Variants in ADAM32 observed in about 807,000 individuals in gnomAD.
ADAM32 encodes the protein disintegrin and metalloproteinase domain-containing protein 32.
A neutral mutation model predicts 114.9 loss-of-function variants in ADAM32; 89 were observed. The observed-to-expected ratio is 0.77, with a 90% CI of 0.65 to 0.92. The LOEUF is 0.92. ADAM32 is among the 40% of genes least tolerant of loss of function. The pLI, the probability that ADAM32 is intolerant of heterozygous loss-of-function variation, is 0.00. For synonymous variants in ADAM32, 285 were observed against 307.5 expected, an observed-to-expected ratio of 0.93 and a Z score of 0.77; for missense variants, 870 against 932.8, an observed-to-expected ratio of 0.93 and a Z score of 0.88.
intron 1 of ADAM32, among the ~76,000 whole-genome samples, chr8:39,117,414 G>A (rs1426273023): frequency 6.6e-6 from 1 of 151,342 alleles, no homozygotes. Context: ...TGGGAGAAAT[G>A]TCTCTGACTT....
At chr8:39,248,904 CTT>C (rs373072424) in intron 17 of ADAM32, among the ~76,000 whole-genome samples, 4 of 134,102 alleles carry the variant, frequency 3.0e-5, no homozygotes, top group African/African-American at 2.7e-5. Flanking sequence ...TGAGTGTTGA[CTT>C]TTTTTTTTTT....
chr8:39,161,517 G>C (rs13439696), intron 7 of ADAM32, among the ~76,000 whole-genome samples: 37,449 of 152,064 alleles, frequency 0.25, 4,996 homozygotes, highest in Non-Finnish European at 0.29. Flanking sequence ...ATTTCAGAAC[G>C]TTAGGGTGAC....
intron 24 of ADAM32, 71 bp from the exon 25 acceptor site, chr8:39,284,722 A>AGGT (rs1387097901): frequency 6.4e-7 from 1 of 1,559,262 alleles, no homozygotes. Flanking sequence ...GCAATACCTC[A>AGGT]GCTGCTTGTA....
At chr8:39,213,114 C>A (rs1310796421) in intron 12 of ADAM32, among the ~76,000 whole-genome samples, 2 of 152,072 alleles carry the variant, frequency 1.3e-5, no homozygotes, top group Non-Finnish European at 2.9e-5. Flanking sequence ...ATGATTAAGT[C>A]AAGGTTATTA....
At chr8:39,243,986 A>C (rs1810731232) in intron 16 of ADAM32, among the ~76,000 whole-genome samples, 1 of 152,172 alleles carries the variant, frequency 6.6e-6, no homozygotes, top group Non-Finnish European at 1.5e-5. Context: ...GCTATACACC[A>C]ACAGTGGCCA....
chr8:39,134,341 AG>A (rs148350283), intron 2 of ADAM32, among the ~76,000 whole-genome samples: 1,792 of 152,170 alleles, frequency 0.012, 36 homozygotes, highest in African/African-American at 0.04. Flanking sequence ...GTGAAGGCTC[AG>A]GGGCTCTCCT....
At chr8:39,117,246 C>G (rs1436046723) in intron 1 of ADAM32, among the ~76,000 whole-genome samples, 1 of 152,152 alleles carries the variant, frequency 6.6e-6, no homozygotes, top group Non-Finnish European at 1.5e-5. Flanking sequence ...GCTACAGTTC[C>G]TGAAGTTGTA....
chr8:39,189,143 C>G (rs1037217286), intron 11 of ADAM32, among the ~76,000 whole-genome samples: 1 of 152,150 alleles, frequency 6.6e-6, no homozygotes, highest in African/African-American at 2.4e-5. Flanking sequence ...TTAATTCTCA[C>G]AGCCTCACCT....
chr8:39,202,501 A>C (rs1176225769), intron 11 of ADAM32, among the ~76,000 whole-genome samples: 1 of 152,020 alleles, frequency 6.6e-6, no homozygotes, highest in Admixed American at 6.6e-5. Flanking sequence ...TATTGCGTCT[A>C]TTTGATTCTT....
intron 12 of ADAM32, among the ~76,000 whole-genome samples, chr8:39,217,872 T>A (rs1808697663): frequency 6.6e-6 from 1 of 152,246 alleles, no homozygotes; most frequent in South Asian, 2.1e-4. Flanking sequence ...CCTTGATGTC[T>A]TATTTAGTTC....
intron 10 of ADAM32, among the ~76,000 whole-genome samples, chr8:39,172,355 A>G (rs922830410): frequency 5.3e-5 from 8 of 152,144 alleles, no homozygotes; most frequent in African/African-American, 1.9e-4. Flanking sequence ...GTTCTTGGGT[A>G]CATATGCAGG....
At chr8:39,220,027 TCTAACA>T (rs1299268024) in intron 12 of ADAM32, among the ~76,000 whole-genome samples, 1 of 152,206 alleles carries the variant, frequency 6.6e-6, no homozygotes, top group Admixed American at 6.5e-5. Context: ...TGGTGATCTG[TCTAACA>T]CTGTCAGTGG....
At chr8:39,144,357 G>A (rs951951598) in intron 3 of ADAM32, among the ~76,000 whole-genome samples, 2 of 152,222 alleles carry the variant, frequency 1.3e-5, no homozygotes, top group Non-Finnish European at 2.9e-5. Context: ...CATCTTGGAA[G>A]CAAGCCTCCC....
At chr8:39,276,617 A>G (rs1813089948) in intron 22 of ADAM32, among the ~76,000 whole-genome samples, 1 of 152,218 alleles carries the variant, frequency 6.6e-6, no homozygotes, top group East Asian at 1.9e-4. Flanking sequence ...TCTAAGCTGC[A>G]CAACAAGGTT....
At chr8:39,251,381 A>C (rs1245206652) in intron 17 of ADAM32, among the ~76,000 whole-genome samples, 1 of 149,896 alleles carries the variant, frequency 6.7e-6, no homozygotes, top group East Asian at 1.9e-4. Context: ...TTTGTTACAA[A>C]AAAAAAATGG....
intron 1 of ADAM32, among the ~76,000 whole-genome samples, chr8:39,113,336 C>T (rs992683301): frequency 2.0e-5 from 3 of 152,016 alleles, no homozygotes; most frequent in Admixed American, 2.0e-4. Flanking sequence ...TGTGTCATAA[C>T]ACTGAAGCAG....
At chr8:39,138,675 T>C (rs576433075) in intron 3 of ADAM32, among the ~76,000 whole-genome samples, 1 of 152,338 alleles carries the variant, frequency 6.6e-6, no homozygotes, top group African/African-American at 2.4e-5. Flanking sequence ...TTATAATCCT[T>C]TGGGTATATA....
At chr8:39,122,583 T>G (rs1011268607) in intron 2 of ADAM32, among the ~76,000 whole-genome samples, 2 of 152,026 alleles carry the variant, frequency 1.3e-5, no homozygotes, top group Non-Finnish European at 2.9e-5. Context: ...TTTCTGTTTT[T>G]GTTTTTGTTT....
intron 6 of ADAM32, chr8:39,157,714 T>C: frequency 3.6e-6 from 4 of 1,103,780 alleles, no homozygotes; most frequent in Non-Finnish European, 5.4e-6. Context: ...GATGAGCGCT[T>C]GCCTCTTAGT....
Sources: allele counts gnomAD v4.1 joint callset (sites outside exome capture counted in the v4.1 genomes callset), GRCh38; gene constraint gnomAD v4.1.1; transcripts MANE v1.5; gene names NCBI Gene and HGNC (gene_info 2026-07-23, HGNC 2026-07-21).